The following EXD3 variants were observed in gnomAD, a reference collection of about 807,000 sequenced individuals.
EXD3 encodes exonuclease 3'-5' domain containing 3, also known as exonuclease mut-7 homolog.
A neutral mutation model predicts 98.0 loss-of-function variants in EXD3; 92 were observed. That is an observed-to-expected ratio of 0.94 (90% CI 0.79 to 1.12). The LOEUF (loss-of-function observed/expected upper bound fraction) is 1.12, where lower values mean the gene tolerates loss of function less well. EXD3 is among the 50% of genes most tolerant of loss of function. EXD3 has a pLI of 0.00. For synonymous variants in EXD3, 569 were observed against 526.0 expected, an observed-to-expected ratio of 1.08 and a Z score of -1.12; for missense variants, 1,222 against 1,191.6, an observed-to-expected ratio of 1.03 and a Z score of -0.38.
At chr9:137,394,512 C>T (rs113873028) in intron 2 of EXD3, among the ~76,000 whole-genome samples, 1 of 146,394 alleles carries the variant, frequency 6.8e-6, no homozygotes, top group East Asian at 2.1e-4. Flanking sequence ...ACCCCGGCCT[C>T]CCAGCCTCCG....
intron 17 of EXD3, among the ~76,000 whole-genome samples, chr9:137,333,800 C>T (rs1452778121): frequency 1.3e-5 from 2 of 152,080 alleles, no homozygotes; most frequent in Non-Finnish European, 2.9e-5. Context: ...AACCTCTTTT[C>T]TTATAAGTTA....
intron 19 of EXD3, among the ~76,000 whole-genome samples, chr9:137,317,707 T>C (rs1831763853): frequency 1.3e-5 from 2 of 152,174 alleles, no homozygotes; most frequent in East Asian, 1.9e-4. Context: ...ACCACCCTCC[T>C]GTCAGCCCTG....
intron 5 of EXD3, among the ~76,000 whole-genome samples, chr9:137,370,126 G>A (rs1177810765): frequency 6.6e-6 from 1 of 152,138 alleles, no homozygotes; most frequent in Non-Finnish European, 1.5e-5. Flanking sequence ...GTGGGGGGCT[G>A]GGGGGTGGCT....
At position 137,307,190 on chromosome 9, in the gene EXD3, C is replaced by T; in HGVS notation, c.2391G>A (p.Leu797=). ...RPCRWLQMAD[L]RAETPDMLAD... ...CCAGCATGTCCGGTGTCTCCGCCCG[C>T]AGGTCAGCCATCTGCAGCCAGCGGC... is the stretch of plus-strand genomic sequence containing the variant. The change falls in exon 22 of 22, where the codon CTG becomes CTA. Residue 797 remains leucine, a synonymous_variant. Transcript: ENST00000340951. 1 of 1,585,178 alleles carries T rather than the reference C, an allele frequency of 6.3e-7. No homozygotes were observed. The highest frequency in any genetic ancestry group is 8.6e-7 in the Non-Finnish European group (1 of 1,166,938).
intron 2 of EXD3, among the ~76,000 whole-genome samples, chr9:137,384,436 T>C (rs552662398): frequency 6.6e-6 from 1 of 152,268 alleles, no homozygotes; most frequent in South Asian, 2.1e-4. Flanking sequence ...CAGCTCACAA[T>C]TTAAGAAATA....
chr9:137,307,014 A>G lies in EXD3; in HGVS notation c.2567T>C (p.Leu856Pro), dbSNP rs748558804. The part of the protein sequence containing the change: ...GRVATHFRDM[L>P]ESAPSPCEPS... The stretch of plus-strand genomic sequence containing the variant: ...CTCGCAGGGGCTGGGGGCGCTCTCC[A>G]GCATGTCTCGGAAGTGGGTGGCAAC... Residue 856 changes from leucine (L) to proline (P), a missense_variant, in exon 22 of 22, where the codon CTG (leucine) becomes CCG (proline). By Grantham distance (98) the Leu-to-Pro change is moderately conservative. Transcript: ENST00000340951. 11 of 1,611,516 alleles carry G rather than the reference A, an allele frequency of 6.8e-6. No individual in the cohort carries two copies. The South Asian group carries it at 1.1e-4, about 16-fold the overall frequency.
At chr9:137,328,121 A>T (rs1199311114) in intron 17 of EXD3, among the ~76,000 whole-genome samples, 1 of 151,246 alleles carries the variant, frequency 6.6e-6, no homozygotes, top group South Asian at 2.1e-4. Context: ...CACCCATATG[A>T]TGAGTAAAAA....
intron 19 of EXD3, among the ~76,000 whole-genome samples, chr9:137,322,158 G>GT (rs1832064219): frequency 6.6e-6 from 1 of 152,164 alleles, no homozygotes; most frequent in Non-Finnish European, 1.5e-5. Context: ...GCTGTCCTGC[G>GT]TGTTGCCTTT....
At position 137,375,643 on chromosome 9, in the gene EXD3, C is replaced by T. The variant is rs117237071; in HGVS notation, c.121-2044G>A. Among the ~76,000 whole-genome samples the T allele has an allele frequency of 2.6e-5, 4 of 152,212 alleles. No individual in the cohort carries two copies. The East Asian group carries it at 7.7e-4, about 29-fold the overall frequency. ...GTCCTAGCCCTAGTGAGTTCTAGCT[C>T]TAGTGAGTTCTAGCTCTAGCGAGTT... On this transcript the variant is annotated intron_variant, in intron 3 of 21. Coordinates refer to ENST00000340951, the MANE Select transcript of EXD3 (RefSeq NM_017820.5).
chr9:137,391,112 C>T (rs374093848), intron 2 of EXD3, among the ~76,000 whole-genome samples: 3 of 152,224 alleles, frequency 2.0e-5, no homozygotes, highest in East Asian at 1.9e-4. Context: ...CCCAGCAGGG[C>T]CTCGGCCGCC....
At chr9:137,355,205 G>A (rs562388531) in intron 8 of EXD3, among the ~76,000 whole-genome samples, 33 of 152,166 alleles carry the variant, frequency 2.2e-4, no homozygotes, top group Non-Finnish European at 3.5e-4. Context: ...CACACCCTCC[G>A]TCAGCCTCAC....
chr9:137,352,913 C>T (rs28688712), intron 10 of EXD3, 127 bp from the exon 11 acceptor site: 462,192 of 1,436,744 alleles, frequency 0.32, 76,698 homozygotes, highest in East Asian at 0.52. Flanking sequence ...GAGGGGCAGC[C>T]GTCCACCTGA....
chr9:137,310,256 T>C (rs1226660128), intron 19 of EXD3, among the ~76,000 whole-genome samples: 4 of 152,188 alleles, frequency 2.6e-5, no homozygotes, highest in Non-Finnish European at 5.9e-5. Context: ...ATTATTATTA[T>C]TATTTTTGAG....
intron 19 of EXD3, among the ~76,000 whole-genome samples, chr9:137,321,894 A>C (rs1284699321): frequency 6.6e-6 from 1 of 151,974 alleles, no homozygotes; most frequent in Non-Finnish European, 1.5e-5. Context: ...GGAGGCGCAA[A>C]AGGCAGCATC....
At chr9:137,402,184 T>A (rs1043604510) in intron 1 of EXD3, among the ~76,000 whole-genome samples, 13 of 152,044 alleles carry the variant, frequency 8.6e-5, no homozygotes, top group African/African-American at 2.9e-4. Flanking sequence ...CCCGGCTAAT[T>A]TTTGTATTTT....
intron 3 of EXD3, among the ~76,000 whole-genome samples, chr9:137,381,595 G>A (rs1340907337): frequency 1.3e-5 from 2 of 151,940 alleles, no homozygotes; most frequent in East Asian, 1.9e-4. Context: ...GCTCTCACCC[G>A]CCCGGTGTGC....
At chr9:137,338,465 C>T (rs961291346) in intron 17 of EXD3, among the ~76,000 whole-genome samples, 10 of 151,676 alleles carry the variant, frequency 6.6e-5, no homozygotes, top group East Asian at 1.9e-4. Flanking sequence ...AGCTAAGCAA[C>T]GCCACTTGGA....
rs113073786 is a variant in EXD3 at position 137,328,574 on chromosome 9, C to A, written c.1999-4431G>T. ...TCAAAGGGAAGAAACAGACTAGTTA[C>A]ACAGGAGCTACACGGGACTACACGG... On this transcript the variant is annotated intron_variant, in intron 17 of 21. Coordinates refer to ENST00000340951, the MANE Select transcript of EXD3 (RefSeq NM_017820.5). 2.5e-5 allele frequency among the ~76,000 whole-genome samples: 3 copies of A among 120,046 alleles called. No homozygotes were observed. The East Asian group carries it at 7.5e-4, about 30-fold the overall frequency. 78.8% of individuals were successfully genotyped at this position (120,046 alleles called of 152,430 possible).
At chr9:137,355,105 C>A (rs554177819) in intron 8 of EXD3, among the ~76,000 whole-genome samples, 1 of 152,226 alleles carries the variant, frequency 6.6e-6, no homozygotes, top group African/African-American at 2.4e-5. Flanking sequence ...CTCACTGGCA[C>A]GTGGAACCCT....
Sources: allele counts gnomAD v4.1 joint callset (sites outside exome capture counted in the v4.1 genomes callset), GRCh38; gene constraint gnomAD v4.1.1; transcripts MANE v1.5; gene names NCBI Gene and HGNC (gene_info 2026-07-23, HGNC 2026-07-21).